FMN1: variants seen among roughly 807,000 people sequenced by gnomAD.
FMN1 encodes the protein formin-1.
FMN1 carries 110 observed loss-of-function variants against 132.4 expected under a neutral mutation model. The ratio of observed to expected loss-of-function variants is 0.83; its 90% CI spans 0.71 to 0.97. The LOEUF is 0.97. Among genes scored for constraint, FMN1 ranks in the 50% least tolerant of loss-of-function variants. FMN1 has a pLI of 0.00. For synonymous variants in FMN1, 722 were observed against 651.7 expected (o/e 1.11, Z -1.64); for missense variants, 1,792 against 1,705.3 (o/e 1.05, Z -0.90).
At chr15:33,039,119 A>C (rs527814639) in intron 6 of FMN1, among the ~76,000 whole-genome samples, 2 of 152,236 alleles carry the variant, frequency 1.3e-5, no homozygotes, top group African/African-American at 4.8e-5. Flanking sequence ...GATTTAAATA[A>C]AAATTCAATA....
chr15:32,806,852 G>A (rs933604860), intron 17 of FMN1, among the ~76,000 whole-genome samples: 2 of 152,082 alleles, frequency 1.3e-5, no homozygotes, highest in Non-Finnish European at 2.9e-5. Flanking sequence ...ACCATCCCTT[G>A]CCACTCATCA....
At chr15:33,029,676 C>T (rs1037815613) in intron 6 of FMN1, among the ~76,000 whole-genome samples, 2 of 152,002 alleles carry the variant, frequency 1.3e-5, no homozygotes, top group East Asian at 1.9e-4. Context: ...AAGATATCAC[C>T]GAGAATGCAG....
intron 6 of FMN1, among the ~76,000 whole-genome samples, chr15:33,056,911 T>C (rs2037242438): frequency 6.6e-6 from 1 of 152,200 alleles, no homozygotes; most frequent in Non-Finnish European, 1.5e-5. Context: ...GCACAGTGGC[T>C]CACACCTGTA....
At chr15:33,138,313 C>T (rs1478184470) in intron 4 of FMN1, among the ~76,000 whole-genome samples, 1 of 152,154 alleles carries the variant, frequency 6.6e-6, no homozygotes, top group Non-Finnish European at 1.5e-5. Flanking sequence ...ATCACCGACT[C>T]TTGGCTCCTG....
At chr15:32,783,631 T>C (rs986291753) in intron 19 of FMN1, among the ~76,000 whole-genome samples, 31 of 151,514 alleles carry the variant, frequency 2.0e-4, no homozygotes, top group African/African-American at 7.3e-4. Context: ...TAGTCCCAGC[T>C]ACTCAGGAGG....
intron 7 of FMN1, among the ~76,000 whole-genome samples, chr15:32,977,382 C>T (rs1038725582): frequency 3.9e-5 from 6 of 152,180 alleles, no homozygotes; most frequent in Non-Finnish European, 8.8e-5. Flanking sequence ...GTCACAGATG[C>T]TTTCCTCAAA....
At chr15:32,874,608 T>C (rs571642405) in intron 16 of FMN1, among the ~76,000 whole-genome samples, 2 of 152,282 alleles carry the variant, frequency 1.3e-5, no homozygotes, top group African/African-American at 4.8e-5. Flanking sequence ...GTATTATCTC[T>C]GTTCTCAGGT....
At chr15:32,994,661 A>G (rs2033658446) in intron 7 of FMN1, among the ~76,000 whole-genome samples, 1 of 152,216 alleles carries the variant, frequency 6.6e-6, no homozygotes, top group Non-Finnish European at 1.5e-5. Context: ...CCTGGCATCC[A>G]GGAAGCACTC....
At chr15:33,077,562 T>C (rs1198312265) in intron 5 of FMN1, among the ~76,000 whole-genome samples, 3 of 151,704 alleles carry the variant, frequency 2.0e-5, no homozygotes, top group South Asian at 2.1e-4. Flanking sequence ...CCCCTTCCTA[T>C]GTCCATGTGT....
intron 9 of FMN1, among the ~76,000 whole-genome samples, chr15:32,952,563 G>A (rs1433798951): frequency 6.6e-6 from 1 of 152,156 alleles, no homozygotes; most frequent in Non-Finnish European, 1.5e-5. Context: ...TGAAAACAAA[G>A]TTTAAAGCTG....
chr15:33,083,893 C>T (rs2038586666), intron 5 of FMN1, among the ~76,000 whole-genome samples: 2 of 152,166 alleles, frequency 1.3e-5, no homozygotes, highest in African/African-American at 4.8e-5. Flanking sequence ...GACCTCTGGT[C>T]ATCCTCACGG....
rs765733773 is a variant in FMN1 at position 32,969,000 on chromosome 15, G to A, written c.2701C>T (p.Pro901Ser). The A allele has an allele frequency of 2.0e-5, 23 of 1,130,772 alleles. No individual in the cohort carries two copies. In the African/African-American group the frequency reaches 2.2e-4, roughly 11 times the overall value. The allele number at this position is 1,130,772 out of a possible 1,614,324, so 70.0% of individuals were successfully genotyped here. A position where few individuals can be genotyped will look rare whatever the true frequency, so the allele number is the denominator to read the frequency against. Residue 901 changes from proline to serine, a missense_variant, in exon 8 of 21, where the codon CCA becomes TCA. This residue lies in a region of FMN1 where 1,150 missense variants were observed against 1,043.1 expected (regional missense o/e 1.10). Coordinates refer to ENST00000616417, the MANE Select transcript of FMN1 (RefSeq NM_001277313.2). ...APPMPPVSAG[P>S]PLPPPPPPPP... ...GGAGGAGGCGGAGGTGGTAGCGGTG[G>A]CCCAGCACTCACAGGTGGCATTGGA...
At chr15:32,986,686 A>C (rs1390089956) in intron 7 of FMN1, among the ~76,000 whole-genome samples, 2 of 152,130 alleles carry the variant, frequency 1.3e-5, no homozygotes, top group African/African-American at 4.8e-5. Flanking sequence ...ATGCATGTGG[A>C]ATTACACTCT....
intron 6 of FMN1, among the ~76,000 whole-genome samples, chr15:33,026,410 T>TCTCACACACACACACA (rs1555384314): frequency 2.1e-5 from 3 of 140,116 alleles, no homozygotes; most frequent in Non-Finnish European, 3.1e-5. Context: ...GTCCAAATTT[T>TCTCACACACACACACA]CACACACACA....
intron 7 of FMN1, among the ~76,000 whole-genome samples, chr15:32,999,773 C>T (rs539686508): frequency 6.6e-6 from 1 of 152,336 alleles, no homozygotes; most frequent in South Asian, 2.1e-4. Flanking sequence ...GTTTCCAAGT[C>T]CTCTACTTTC....
chr15:33,093,070 G>A (rs2038958676), intron 4 of FMN1, among the ~76,000 whole-genome samples: 1 of 152,212 alleles, frequency 6.6e-6, no homozygotes, highest in Non-Finnish European at 1.5e-5. Flanking sequence ...ATAACCAGCA[G>A]ATCTGGACAA....
chr15:32,828,747 A>C (rs904146840), intron 17 of FMN1, among the ~76,000 whole-genome samples: 8 of 152,220 alleles, frequency 5.3e-5, no homozygotes, highest in Admixed American at 3.3e-4. Flanking sequence ...CCTCTTAACC[A>C]AATCATATTT....
At chr15:33,142,073 C>T (rs748305458) in intron 4 of FMN1, among the ~76,000 whole-genome samples, 2 of 152,228 alleles carry the variant, frequency 1.3e-5, no homozygotes, top group Non-Finnish European at 2.9e-5. Flanking sequence ...GTCACCAACA[C>T]GTAATCTAAT....
intron 4 of FMN1, among the ~76,000 whole-genome samples, chr15:33,121,905 A>G (rs765539383): frequency 5.9e-5 from 9 of 152,218 alleles, no homozygotes; most frequent in Admixed American, 2.6e-4. Context: ...TAGAGCCACA[A>G]TAAGAAAAAT....
Sources: gnomAD v4.1 joint callset for allele counts (sites outside exome capture counted in the v4.1 genomes callset) on GRCh38, gnomAD v4.1.1 for gene constraint, gnomAD v4.1.1 regional missense constraint, MANE v1.5 for transcripts, NCBI Gene and HGNC (gene_info 2026-07-23, HGNC 2026-07-21) for gene names.